LRMDA: variants seen among roughly 807,000 people sequenced by gnomAD.
LRMDA encodes the protein leucine-rich melanocyte differentiation-associated protein.
LRMDA carries 18 observed loss-of-function variants against 29.8 expected under a neutral mutation model. That is an observed-to-expected ratio of 0.60 (90% CI 0.42 to 0.90). The LOEUF (loss-of-function observed/expected upper bound fraction) is 0.90. LRMDA is among the 40% of genes least tolerant of loss of function. The pLI, the probability that LRMDA is intolerant of heterozygous loss-of-function variation, is 0.00. For missense variants in LRMDA, 273 were observed against 273.9 expected, an observed-to-expected ratio of 1.00 and a Z score of 0.02; for synonymous variants, 125 against 109.4, an observed-to-expected ratio of 1.14 and a Z score of -0.89.
intron 2 of LRMDA, among the ~76,000 whole-genome samples, chr10:75,677,339 T>C (rs1379416332): frequency 2.6e-5 from 4 of 152,028 alleles, no homozygotes; most frequent in African/African-American, 7.2e-5. Context: ...CTGGAAGAAG[T>C]TGGGGAGAGA....
At chr10:75,942,647 A>T (rs961663899) in intron 2 of LRMDA, among the ~76,000 whole-genome samples, 2 of 152,136 alleles carry the variant, frequency 1.3e-5, no homozygotes, top group South Asian at 4.1e-4. Flanking sequence ...GAACCCCATT[A>T]GTTTTGCAGT....
At chr10:75,819,391 G>A (rs1844117926) in intron 2 of LRMDA, among the ~76,000 whole-genome samples, 1 of 82,634 alleles carries the variant, frequency 1.2e-5, no homozygotes, top group South Asian at 6.4e-4. Flanking sequence ...ACCATTTTGA[G>A]TCTGTAATGT....
At chr10:76,492,854 A>G (rs1468131521) in intron 6 of LRMDA, among the ~76,000 whole-genome samples, 1 of 151,954 alleles carries the variant, frequency 6.6e-6, no homozygotes, top group Non-Finnish European at 1.5e-5. Flanking sequence ...CATGGGGGAA[A>G]CCACCTCCAT....
intron 4 of LRMDA, among the ~76,000 whole-genome samples, chr10:76,053,694 C>G (rs1848566279): frequency 1.3e-5 from 2 of 152,204 alleles, no homozygotes; most frequent in Non-Finnish European, 2.9e-5. Context: ...GCAAGAAGAT[C>G]TGGCAGACAT....
intron 6 of LRMDA, among the ~76,000 whole-genome samples, chr10:76,394,684 C>G (rs961004018): frequency 6.6e-6 from 1 of 152,136 alleles, no homozygotes; most frequent in Non-Finnish European, 1.5e-5. Context: ...CTCTTCACAA[C>G]AGAATGCAAG....
At chr10:75,601,588 A>G (rs1452354919) in intron 2 of LRMDA, among the ~76,000 whole-genome samples, 1 of 152,204 alleles carries the variant, frequency 6.6e-6, no homozygotes, top group South Asian at 2.1e-4. Context: ...TATATACAAA[A>G]ATAGAATTAT....
intron 2 of LRMDA, among the ~76,000 whole-genome samples, chr10:75,873,137 C>G (rs1885825): frequency 0.26 from 40,076 of 151,788 alleles, 6,237 homozygotes; most frequent in African/African-American, 0.44. Context: ...AAGATAAATA[C>G]CCAGAGCTGG....
intron 5 of LRMDA, among the ~76,000 whole-genome samples, chr10:76,127,507 G>A (rs1849904513): frequency 1.3e-5 from 2 of 151,516 alleles, no homozygotes; most frequent in Admixed American, 1.3e-4. Context: ...TGTTAGTTGT[G>A]TTTATATTGT....
intron 2 of LRMDA, among the ~76,000 whole-genome samples, chr10:75,600,028 A>G (rs1840861501): frequency 6.6e-6 from 1 of 152,184 alleles, no homozygotes; most frequent in Non-Finnish European, 1.5e-5. Flanking sequence ...AGTATAACCC[A>G]TTTTACAGAT....
At chr10:76,521,909 A>G (rs937793118) in intron 6 of LRMDA, among the ~76,000 whole-genome samples, 10 of 152,110 alleles carry the variant, frequency 6.6e-5, no homozygotes, top group African/African-American at 2.4e-4. Context: ...ATACCCCACA[A>G]TATCTCCCCA....
chr10:75,979,119 A>G (rs548060844), intron 2 of LRMDA, among the ~76,000 whole-genome samples: 1 of 152,360 alleles, frequency 6.6e-6, no homozygotes. Flanking sequence ...GAATAGTGCC[A>G]GGCATGTGAT....
chr10:75,832,845 A>T (rs972222415), intron 2 of LRMDA, among the ~76,000 whole-genome samples: 1 of 152,168 alleles, frequency 6.6e-6, no homozygotes, highest in African/African-American at 2.4e-5. Flanking sequence ...CGTGAGACCC[A>T]TTCACTATCA....
chr10:76,413,922 G>A (rs889331360), intron 6 of LRMDA, among the ~76,000 whole-genome samples: 5 of 152,128 alleles, frequency 3.3e-5, no homozygotes, highest in Admixed American at 3.3e-4. Context: ...AATCCTATGA[G>A]GTTAGCCCAT....
chr10:75,776,013 G>A (rs1384013770), intron 2 of LRMDA, among the ~76,000 whole-genome samples: 3 of 152,066 alleles, frequency 2.0e-5, no homozygotes, highest in Non-Finnish European at 2.9e-5. Context: ...CAAACCATGA[G>A]GCTACTATAA....
At chr10:76,045,235 T>C (rs1237267944) in intron 3 of LRMDA, among the ~76,000 whole-genome samples, 1 of 149,478 alleles carries the variant, frequency 6.7e-6, no homozygotes, top group African/African-American at 2.5e-5. Flanking sequence ...CTCTTGCTAG[T>C]TTCCCCCTCT....
intron 2 of LRMDA, among the ~76,000 whole-genome samples, chr10:75,617,924 G>A (rs7342058): frequency 5.9e-5 from 9 of 152,296 alleles, no homozygotes; most frequent in African/African-American, 1.2e-4. Flanking sequence ...AATCAACCTC[G>A]CTAGGCCTTT....
intron 2 of LRMDA, among the ~76,000 whole-genome samples, chr10:75,521,736 A>G (rs187485900): frequency 1.1e-3 from 169 of 152,334 alleles, no homozygotes; most frequent in African/African-American, 3.9e-3. Flanking sequence ...ACCAGTCCCA[A>G]TGAGATGAAC....
intron 2 of LRMDA, among the ~76,000 whole-genome samples, chr10:75,950,706 C>A (rs1375037032): frequency 6.6e-6 from 1 of 152,180 alleles, no homozygotes; most frequent in Non-Finnish European, 1.5e-5. Context: ...GCTGGTAAGT[C>A]CCTTGAAGTC....
chr10:75,776,027 G>T (rs1456912236), intron 2 of LRMDA, among the ~76,000 whole-genome samples: 1 of 152,110 alleles, frequency 6.6e-6, no homozygotes, highest in Non-Finnish European at 1.5e-5. Flanking sequence ...ACTATAATTT[G>T]CTTTAATATC....
Sources: gnomAD v4.1 joint callset for allele counts (sites outside exome capture counted in the v4.1 genomes callset) on GRCh38, gnomAD v4.1.1 for gene constraint, MANE v1.5 for transcripts, NCBI Gene and HGNC (gene_info 2026-07-23, HGNC 2026-07-21) for gene names.